SYDE2: variants seen among roughly 807,000 people sequenced by gnomAD.
SYDE2 encodes synapse defective Rho GTPase homolog 2.
Under a neutral mutation model 91.5 loss-of-function variants are expected in SYDE2, and 76 were observed. That is an observed-to-expected ratio of 0.83 (90% CI 0.69 to 1.01). SYDE2 has a LOEUF of 1.01. Among genes scored for constraint, SYDE2 ranks in the 50% least tolerant of loss-of-function variants. The probability of loss-of-function intolerance (pLI) is 0.00; values close to 1 mark genes in which losing one functional copy is unlikely to be tolerated. For missense variants in SYDE2, 1,364 were observed against 1,367.7 expected (o/e 1.00, Z 0.04); for synonymous variants, 513 against 506.4 (o/e 1.01, Z -0.18).
rs764798299 is a variant in SYDE2 at position 85,182,584 on chromosome 1, G to T, written c.2058C>A (p.Phe686Leu). 2 of 1,613,764 alleles carry T rather than the reference G, an allele frequency of 1.2e-6. No homozygotes were observed. The highest frequency in any genetic ancestry group is 2.7e-5 in the African/African-American group (2 of 74,918). ...GTGGTTTTAAATCCTCAGCACCATA[G>T]AAATGTACACTCATGAGCCCAGATA... is the stretch of plus-strand genomic sequence containing the variant. ...QYISGLMSVHFYGAEDLKPPR... is the reference protein window; with the variant it reads ...QYISGLMSVHLYGAEDLKPPR... Residue 686 changes from phenylalanine to leucine, a missense_variant, in exon 3 of 7, where the codon TTC becomes TTA. By Grantham distance (22) the Phe-to-Leu change is conservative. Transcript: ENST00000341460.
In SYDE2 at chr1:85,157,952, T is replaced by C. The variant is rs1290968332; in HGVS notation, c.*798A>G. 1 of 152,196 alleles carries C rather than the reference T, an allele frequency of 6.6e-6. No individual in the cohort carries two copies. The highest frequency in any genetic ancestry group is 1.9e-4 in the East Asian group (1 of 5,202). 9.4% of individuals were successfully genotyped at this position (152,196 alleles called of 1,614,324 possible). On this transcript the variant is annotated 3_prime_UTR_variant, in exon 7 of 7. Transcript: ENST00000341460. The stretch of plus-strand genomic sequence containing the variant: ...ACAGAAAACATTAATACTTGTATAA[T>C]TTCACTTTTATTTATAAAAAGATTT...
At chr1:85,161,683 G>A (rs969025084) in intron 6 of SYDE2, among the ~76,000 whole-genome samples, 7 of 146,192 alleles carry the variant, frequency 4.8e-5, no homozygotes, top group East Asian at 2.0e-4. Context: ...TCAAGATTGC[G>A]CCAGTGCACT....
chr1:85,176,231 T>C lies in SYDE2; in HGVS notation c.2671+1915A>G, dbSNP rs193288011. Among the ~76,000 whole-genome samples, 74 of 152,278 alleles carry C rather than the reference T, an allele frequency of 4.9e-4. 1 individual carries two copies. Among genetic ancestry groups the C allele is most frequent in the Middle Eastern group, 3.4e-3 (1 of 294 alleles). Reference sequence around the variant, plus strand: ...TGAGTCTTTTGCTGATTTTGTTAATTACACATTAACAAGGAAAGAACATTC... The same window carrying C: ...TGAGTCTTTTGCTGATTTTGTTAATCACACATTAACAAGGAAAGAACATTC... On this transcript the variant is annotated intron_variant, in intron 4 of 6. Transcript: ENST00000341460.
chr1:85,189,898 G>A (rs1658294150), intron 2 of SYDE2, among the ~76,000 whole-genome samples, 159 bp downstream of exon 2: 1 of 152,114 alleles, frequency 6.6e-6, no homozygotes, highest in South Asian at 2.1e-4. Context: ...ACGTTAAAAT[G>A]TTTATAAAAC....
Position 85,200,868 on chromosome 1 carries a change from G to T in SYDE2, c.129C>A (p.Cys43Ter), listed in dbSNP as rs566935081. Residue 43 changes from cysteine (C) to a stop codon, truncating the protein, a stop_gained, in exon 1 of 7, where the codon TGC (cysteine) becomes TGA (stop). Coordinates refer to ENST00000341460, the MANE Select transcript of SYDE2 (RefSeq NM_032184.2). LOFTEE classifies it high-confidence loss of function. ...PSRGAAYRRA[C>*]PRDGERGGGG... ...CGCCTCCCCGCTCCCCGTCCCGGGG[G>T]CAGGCTCGGCGGTACGCGGCGCCGC... The T allele has an allele frequency of 3.7e-6, 5 of 1,358,956 alleles. No homozygotes were observed. The highest frequency in any genetic ancestry group is 4.7e-6 in the Non-Finnish European group (5 of 1,066,282). 84.2% of individuals were successfully genotyped at this position (1,358,956 alleles called of 1,614,324 possible).
chr1:85,196,393 G>GT (rs763775563), intron 1 of SYDE2, among the ~76,000 whole-genome samples: 1 of 152,146 alleles, frequency 6.6e-6, no homozygotes, highest in Non-Finnish European at 1.5e-5. Context: ...TGGACATTAA[G>GT]TTTGAAAAGC....
At chr1:85,193,677 A>G (rs922531127) in intron 1 of SYDE2, among the ~76,000 whole-genome samples, 5 of 152,122 alleles carry the variant, frequency 3.3e-5, no homozygotes, top group African/African-American at 1.2e-4. Context: ...AGGCTGGAGC[A>G]CAGTGGCACC....
At chr1:85,171,205 G>A (rs184644117) in intron 4 of SYDE2, among the ~76,000 whole-genome samples, 1 of 152,268 alleles carries the variant, frequency 6.6e-6, no homozygotes, top group East Asian at 1.9e-4. Flanking sequence ...TGGAGACACA[G>A]ATTTAAGAAT....
At position 85,200,829 on chromosome 1, in the gene SYDE2, C is replaced by T. The variant is rs934970015; in HGVS notation, c.168G>A (p.Arg56=). 11 of 1,401,922 alleles carry T rather than the reference C, an allele frequency of 7.8e-6. No individual in the cohort carries two copies. In the African/African-American group the frequency reaches 1.7e-4, roughly 21 times the overall value. The allele number at this position is 1,401,922 out of a possible 1,614,324, so 86.8% of individuals were successfully genotyped here. ...DGERGGGGRP[R]QQVSPPRSPQ... Reference sequence around the variant, plus strand: ...GCGACCGGGGCGGGGACACCTGCTGCCGAGGGCGTCCGCCGCCTCCCCGCT... The same window carrying T: ...GCGACCGGGGCGGGGACACCTGCTGTCGAGGGCGTCCGCCGCCTCCCCGCT... The change falls in exon 1 of 7, where the codon CGG becomes CGA. Residue 56 remains arginine, a synonymous_variant. Coordinates refer to ENST00000341460, the MANE Select transcript of SYDE2 (RefSeq NM_032184.2).
At position 85,200,902 on chromosome 1, in the gene SYDE2, G is replaced by A. The variant is rs1208291333; in HGVS notation, c.95C>T (p.Pro32Leu). The part of the protein sequence containing the change: ...FPAGARAPGQ[P>L]PSRGAAYRRA... ...GCGGTACGCGGCGCCGCGGGAAGGC[G>A]GCTGGCCCGGAGCCCGGGCTCCCGC... The change falls in exon 1 of 7, where the codon CCG (proline) becomes CTG (leucine). Residue 32 changes from proline (P) to leucine (L), a missense_variant. Pro to Leu is a moderately conservative substitution (Grantham distance 98, BLOSUM62 -3). Coordinates refer to ENST00000341460, the MANE Select transcript of SYDE2 (RefSeq NM_032184.2). The A allele has an allele frequency of 1.5e-6, 2 of 1,328,180 alleles. No homozygotes were observed. The highest frequency in any genetic ancestry group is 2.2e-5 in the South Asian group (1 of 46,230). 82.3% of individuals were successfully genotyped at this position (1,328,180 alleles called of 1,614,324 possible). A position where few individuals can be genotyped will look rare whatever the true frequency, so the allele number is the denominator to read the frequency against.
intron 4 of SYDE2, among the ~76,000 whole-genome samples, chr1:85,174,223 G>A (rs774504243): frequency 2.0e-5 from 3 of 152,148 alleles, no homozygotes; most frequent in African/African-American, 4.8e-5. Context: ...ATTTCAACAC[G>A]CCTCTCAGTG....
chr1:85,184,847 C>T (rs1188512628), intron 2 of SYDE2, among the ~76,000 whole-genome samples: 1 of 149,870 alleles, frequency 6.7e-6, no homozygotes, highest in Admixed American at 6.7e-5. Flanking sequence ...GCCACTTGCA[C>T]TCCACCCTGG....
chr1:85,166,937 G>A (rs181638297), intron 5 of SYDE2, among the ~76,000 whole-genome samples: 7 of 152,254 alleles, frequency 4.6e-5, no homozygotes, highest in South Asian at 4.1e-4. Flanking sequence ...CTGGCTGGGC[G>A]TGGTGGTTCA....
At chr1:85,160,056 T>A in intron 6 of SYDE2, 5 of 984,382 alleles carry the variant, frequency 5.1e-6, no homozygotes, top group Non-Finnish European at 6.0e-6. Flanking sequence ...GAACAAAATA[T>A]TTAAGGCTAT....
At chr1:85,181,965 G>T in intron 3 of SYDE2, 133 bp downstream of exon 3, 2 of 979,178 alleles carry the variant, frequency 2.0e-6, no homozygotes, top group African/African-American at 1.7e-5. Context: ...AACAGTAATG[G>T]AATAAAAATA....
At chr1:85,169,703 T>C (rs1188758522) in intron 4 of SYDE2, among the ~76,000 whole-genome samples, 1 of 152,216 alleles carries the variant, frequency 6.6e-6, no homozygotes, top group African/African-American at 2.4e-5. Context: ...TCTTTAACAC[T>C]GGAGAAATGT....
chr1:85,192,361 T>C (rs943124898), intron 1 of SYDE2, among the ~76,000 whole-genome samples: 3 of 152,144 alleles, frequency 2.0e-5, no homozygotes, highest in Non-Finnish European at 4.4e-5. Context: ...TGAGCTATGA[T>C]TGTGCCACTG....
chr1:85,186,667 A>C (rs1658153778), intron 2 of SYDE2, among the ~76,000 whole-genome samples: 1 of 151,874 alleles, frequency 6.6e-6, no homozygotes. Flanking sequence ...CAAAACAGAG[A>C]TATAGATCAA....
chr1:85,173,203 G>T (rs1024043786), intron 4 of SYDE2, among the ~76,000 whole-genome samples: 7 of 152,134 alleles, frequency 4.6e-5, no homozygotes, highest in African/African-American at 1.7e-4. Context: ...TATAAAATGG[G>T]GGACACAGAG....
Sources: gnomAD v4.1 joint callset for allele counts (sites outside exome capture counted in the v4.1 genomes callset) on GRCh38, gnomAD v4.1.1 for gene constraint, MANE v1.5 for transcripts, NCBI Gene and HGNC (gene_info 2026-07-23, HGNC 2026-07-21) for gene names.